Variants in KDM6A observed in about 807,000 individuals in gnomAD.
The protein encoded by KDM6A is lysine-specific demethylase 6A.
In KDM6A, 11 loss-of-function variants were observed where a neutral mutation model predicts 117.6. The ratio of observed to expected loss-of-function variants is 0.09; its 90% CI spans 0.06 to 0.15. The LOEUF is 0.15. KDM6A is among the 10% of genes least tolerant of loss of function. KDM6A has a pLI of 1.00. For synonymous variants in KDM6A, 384 were observed against 396.1 expected (o/e 0.97, Z 0.36); for missense variants, 799 against 1,077.3 (o/e 0.74, Z 3.62).
At chrX:45,068,087 C>T (rs1383317182) in intron 17 of KDM6A, among the ~76,000 whole-genome samples, 3 of 111,613 alleles carry the variant, frequency 2.7e-5, no homozygotes, top group Non-Finnish European at 5.6e-5. Context: ...TGATTAAATG[C>T]ACCTTTTAGT....
chrX:44,918,029 T>A lies in KDM6A; in HGVS notation c.226-43255T>A, dbSNP rs1177796369. 2.7e-5 allele frequency among the ~76,000 whole-genome samples: 3 copies of A among 111,839 alleles called. No homozygotes were observed. The East Asian group carries it at 8.4e-4, about 31-fold the overall frequency. On this transcript the variant is annotated intron_variant, in intron 2 of 29. Coordinates refer to ENST00000611820, the MANE Select transcript of KDM6A (RefSeq NM_001291415.2). ...CTTGAGTGAATGTAATGGCTTTTCTTTGTGACTTTACAGTGTCTTATACCA... is the reference window on the plus strand; with the variant it reads ...CTTGAGTGAATGTAATGGCTTTTCTATGTGACTTTACAGTGTCTTATACCA...
At position 44,957,130 on chromosome X, in the gene KDM6A, C is replaced by CA. The variant is rs761297343; in HGVS notation, c.226-4145dup. On this transcript the variant is annotated intron_variant, in intron 2 of 29. Transcript: ENST00000611820. ...GGGCAACAAGAGTGAAACCCCATCT[C>CA]AAAAAAAAATAAATAAATAAAAATA... Among the ~76,000 whole-genome samples the CA allele has an allele frequency of 1.3e-3, 141 of 106,042 alleles. 1 individual carries two copies. Among genetic ancestry groups the CA allele is most frequent in the East Asian group, 1.2e-3 (4 of 3,421 alleles). 92.1% of individuals were successfully genotyped at this position (106,042 alleles called of 115,157 possible).
chrX:44,976,308 C>G (rs1024684126), intron 4 of KDM6A, among the ~76,000 whole-genome samples: 1 of 111,372 alleles, frequency 9.0e-6, no homozygotes, highest in African/African-American at 3.3e-5. Flanking sequence ...TGGCTGGCTT[C>G]TTTAACTTAG....
intron 4 of KDM6A, among the ~76,000 whole-genome samples, chrX:44,992,521 C>G (rs1359969580): frequency 9.2e-6 from 1 of 108,916 alleles, no homozygotes; most frequent in African/African-American, 3.3e-5. Flanking sequence ...ACGTGCCTGG[C>G]CAGCAATACT....
chrX:44,899,224 CGTGTGT>C (rs572085670), intron 2 of KDM6A, among the ~76,000 whole-genome samples: 2,882 of 49,205 alleles, frequency 0.059, 59 homozygotes, highest in Middle Eastern at 0.14. Context: ...TGTGTGTATG[CGTGTGT>C]GTGTGTGTGT....
intron 4 of KDM6A, among the ~76,000 whole-genome samples, chrX:44,984,751 G>T (rs1359739644): frequency 4.5e-5 from 5 of 111,475 alleles, no homozygotes; most frequent in Non-Finnish European, 9.4e-5. Flanking sequence ...TGAGGGCTCT[G>T]TTCTTTTCCA....
intron 4 of KDM6A, among the ~76,000 whole-genome samples, chrX:44,980,188 G>GA (rs397895168): frequency 9.1e-6 from 1 of 109,567 alleles, no homozygotes; most frequent in African/African-American, 3.4e-5. Flanking sequence ...GTAGAGACAG[G>GA]TTTCACCATG....
At chrX:44,901,403 C>T (rs6609337) in intron 2 of KDM6A, among the ~76,000 whole-genome samples, 5,122 of 110,197 alleles carry the variant, frequency 0.046, 317 homozygotes, top group African/African-American at 0.16. Flanking sequence ...AGTGGCCTAA[C>T]GTGGTTTGTC....
chrX:45,108,593 A>G (rs1157148658), intron 28 of KDM6A, among the ~76,000 whole-genome samples: 1 of 107,255 alleles, frequency 9.3e-6, no homozygotes, highest in Non-Finnish European at 1.9e-5. Context: ...TAGAAATACC[A>G]TTTGACCCAG....
chrX:45,070,843 AAGAGGAAGG>A (rs1278174888), intron 18 of KDM6A, among the ~76,000 whole-genome samples: 3 of 110,609 alleles, frequency 2.7e-5, no homozygotes, highest in African/African-American at 9.9e-5. Flanking sequence ...AAGCAGGCAG[AAGAGGAAGG>A]AAGAGGTCAG....
rs1396324116 is a variant in KDM6A at position 45,108,237 on chromosome X, A to G, written c.4161+701A>G. Among the ~76,000 whole-genome samples, 6 of 111,498 alleles carry G rather than the reference A, an allele frequency of 5.4e-5. 1 individual carries two copies. The highest frequency in any genetic ancestry group is 6.5e-5 in the African/African-American group (2 of 30,690). On this transcript the variant is annotated intron_variant, in intron 28 of 29. Coordinates refer to ENST00000611820, the MANE Select transcript of KDM6A (RefSeq NM_001291415.2). ...TCGGAGGTAGACTGTCATGGGCTAT[A>G]GGCACAAGAAGAGAACAGGGAAATG... is the stretch of plus-strand genomic sequence containing the variant.
intron 10 of KDM6A, among the ~76,000 whole-genome samples, chrX:45,057,807 T>G (rs1159209285): frequency 3.6e-5 from 4 of 111,174 alleles, no homozygotes; most frequent in African/African-American, 1.3e-4. Context: ...TCAGTAAAAT[T>G]TCAAAGAATA....
At chrX:44,994,131 A>G (rs942083422) in intron 4 of KDM6A, among the ~76,000 whole-genome samples, 6 of 111,883 alleles carry the variant, frequency 5.4e-5, no homozygotes, top group African/African-American at 1.3e-4. Context: ...ACTCTCATCA[A>G]TTTGAAATAT....
At chrX:44,966,855 TTCTC>T (rs200865957) in intron 3 of KDM6A, among the ~76,000 whole-genome samples, 3 of 102,863 alleles carry the variant, frequency 2.9e-5, no homozygotes, top group Admixed American at 1.0e-4. Context: ...TTAAAATAAA[TTCTC>T]TCTCTCTCTC....
chrX:44,948,254 T>C (rs1048344839), intron 2 of KDM6A, among the ~76,000 whole-genome samples: 5 of 111,906 alleles, frequency 4.5e-5, no homozygotes, highest in African/African-American at 1.6e-4. Flanking sequence ...TTGGCTGCCC[T>C]GGCGTCCTGG....
intron 19 of KDM6A, 102 bp downstream of exon 19, chrX:45,076,928 A>T (rs2148103767): frequency 1.4e-6 from 1 of 724,461 alleles, no homozygotes; most frequent in Non-Finnish European, 2.1e-6. Context: ...AAACATTACA[A>T]TTATTGGCAG....
At chrX:45,020,080 T>C (rs5905916) in intron 5 of KDM6A, among the ~76,000 whole-genome samples, 20,062 of 110,795 alleles carry the variant, frequency 0.18, 1,739 homozygotes, top group Admixed American at 0.37. Flanking sequence ...GCAGGTACTA[T>C]TGGATATCAG....
At chrX:44,933,466 G>C (rs766740870) in intron 2 of KDM6A, among the ~76,000 whole-genome samples, 1 of 107,517 alleles carries the variant, frequency 9.3e-6, no homozygotes, top group African/African-American at 3.4e-5. Flanking sequence ...GTGAAGACAG[G>C]GTTACGCTAT....
At chrX:44,941,595 C>T in intron 2 of KDM6A, among the ~76,000 whole-genome samples, 1 of 108,865 alleles carries the variant, frequency 9.2e-6, no homozygotes, top group Admixed American at 9.8e-5. Context: ...ATTCTCCTGC[C>T]CCAGCCTCCC....
Sources: allele counts gnomAD v4.1 joint callset (sites outside exome capture counted in the v4.1 genomes callset), GRCh38; gene constraint gnomAD v4.1.1; transcripts MANE v1.5; gene names NCBI Gene and HGNC (gene_info 2026-07-23, HGNC 2026-07-21).